PDGFRA: variants seen among roughly 807,000 people sequenced by gnomAD.
The protein encoded by PDGFRA is platelet derived growth factor receptor alpha.
PDGFRA carries 25 observed loss-of-function variants against 121.5 expected under a neutral mutation model. That is an observed-to-expected ratio of 0.21 (90% CI 0.15 to 0.29). The LOEUF is 0.29. Ranked by LOEUF, PDGFRA falls within the 10% of genes least tolerant of loss-of-function variation. The probability of loss-of-function intolerance (pLI) is 1.00; values close to 1 mark genes in which losing one functional copy is unlikely to be tolerated. For missense variants in PDGFRA, 1,008 were observed against 1,345.1 expected, an observed-to-expected ratio of 0.75 and a Z score of 3.92; for synonymous variants, 463 against 494.8, an observed-to-expected ratio of 0.94 and a Z score of 0.85.
At chr4:54,238,185 C>G (rs536682310) in intron 1 of PDGFRA, among the ~76,000 whole-genome samples, 1 of 152,288 alleles carries the variant, frequency 6.6e-6, no homozygotes, top group South Asian at 2.1e-4. Flanking sequence ...TTCTCTTCCT[C>G]TCCCATTTTC....
intron 12 of PDGFRA, among the ~76,000 whole-genome samples, chr4:54,276,513 T>C (rs1723735827): frequency 6.6e-6 from 1 of 152,186 alleles, no homozygotes; most frequent in Admixed American, 6.5e-5. Flanking sequence ...TATCTAAGCT[T>C]TCTTTATTTT....
chr4:54,271,525 C>G (rs548542704), intron 8 of PDGFRA, among the ~76,000 whole-genome samples: 47 of 152,236 alleles, frequency 3.1e-4, no homozygotes, highest in African/African-American at 1.1e-3. Flanking sequence ...GCCAAATAAC[C>G]AAGGGACTTT....
rs536922002 is a variant in PDGFRA, at chr4:54,259,849, C to T, written c.49+1032C>T. Among the ~76,000 whole-genome samples the T allele has an allele frequency of 2.6e-5, 4 of 152,284 alleles. No individual in the cohort carries two copies. In the East Asian group the frequency reaches 5.8e-4, roughly 22 times the overall value. On this transcript the variant is annotated intron_variant, in intron 2 of 22. Coordinates refer to ENST00000257290, the MANE Select transcript of PDGFRA (RefSeq NM_006206.6). The stretch of plus-strand genomic sequence containing the variant: ...AGGTTCCAAGGGAGATTACAAATCA[C>T]TAATTAATAATTAAGTCATAATATC...
chr4:54,260,519 C>T (rs1722639695), intron 2 of PDGFRA, among the ~76,000 whole-genome samples: 2 of 151,370 alleles, frequency 1.3e-5, no homozygotes, highest in Admixed American at 1.3e-4. Flanking sequence ...CCCACCTCAG[C>T]CTCCAGAGTA....
intron 15 of PDGFRA, chr4:54,278,950 G>A (rs1247767366): frequency 2.3e-6 from 1 of 437,014 alleles, no homozygotes; most frequent in Non-Finnish European, 4.7e-6. Context: ...AAATCTACAA[G>A]TGGCTATAAA....
chr4:54,271,974 T>TC (rs1560477153), intron 8 of PDGFRA, among the ~76,000 whole-genome samples: 6 of 5,034 alleles, frequency 1.2e-3, no homozygotes, highest in Non-Finnish European at 1.5e-3. Flanking sequence ...CCCTCCCCCC[T>TC]CCCCTCCCCC....
intron 1 of PDGFRA, among the ~76,000 whole-genome samples, chr4:54,254,747 A>C (rs1722262546): frequency 6.6e-6 from 1 of 152,172 alleles, no homozygotes; most frequent in African/African-American, 2.4e-5. Flanking sequence ...TAATTGTGGT[A>C]AATCAGGCTG....
At chr4:54,241,318 A>G (rs1721282384) in intron 1 of PDGFRA, among the ~76,000 whole-genome samples, 1 of 152,120 alleles carries the variant, frequency 6.6e-6, no homozygotes, top group African/African-American at 2.4e-5. Context: ...GGAATGTTAT[A>G]AAGAAATTTT....
Position 54,261,390 on chromosome 4 carries a change from G to A in PDGFRA, c.345G>A (p.Arg115=), listed in dbSNP as rs778510648. 3.7e-6 allele frequency: 6 copies of A among 1,613,868 alleles called. No homozygotes were observed. The highest frequency in any genetic ancestry group is 2.7e-5 in the African/African-American group (2 of 74,898). ...CAGAAGAGAATGAGCTTGAAGGCAG[G>A]CACATTTACATCTATGTGCCAGGTG... The part of the protein sequence containing the change: ...TQTEENELEG[R]HIYIYVPDPD... Residue 115 remains arginine, a synonymous_variant, in exon 3 of 23, where the codon AGG becomes AGA. Transcript: ENST00000257290.
intron 9 of PDGFRA, among the ~76,000 whole-genome samples, 199 bp from the exon 10 acceptor site, chr4:54,273,338 G>T (rs1723507224): frequency 6.6e-6 from 1 of 152,174 alleles, no homozygotes; most frequent in Non-Finnish European, 1.5e-5. Flanking sequence ...GCTTTCAGTT[G>T]TTCATGTGTG....
intron 16 of PDGFRA, among the ~76,000 whole-genome samples, chr4:54,283,376 G>T (rs1724167772): frequency 6.6e-6 from 1 of 152,198 alleles, no homozygotes; most frequent in Non-Finnish European, 1.5e-5. Flanking sequence ...AGCGGCCAAG[G>T]TTTATGGCTG....
intron 10 of PDGFRA, among the ~76,000 whole-genome samples, chr4:54,274,048 A>G (rs1051508676): frequency 6.6e-6 from 1 of 152,204 alleles, no homozygotes; most frequent in African/African-American, 2.4e-5. Flanking sequence ...CTAATAATAT[A>G]GCTACAGTCT....
chr4:54,233,491 A>T (rs909430344), intron 1 of PDGFRA, among the ~76,000 whole-genome samples: 1 of 152,184 alleles, frequency 6.6e-6, no homozygotes, highest in Non-Finnish European at 1.5e-5. Context: ...CCGGGGACGC[A>T]TCCCGCTTTC....
In PDGFRA at chr4:54,274,606, T is replaced by A; in HGVS notation, c.1634T>A (p.Leu545Gln). Reference sequence around the variant, plus strand: ...ATTGTGATCATCTCACTTATTGTCCTGGTTGTCATTTGGAAACAGGTAGAT... The same window carrying A: ...ATTGTGATCATCTCACTTATTGTCCAGGTTGTCATTTGGAAACAGGTAGAT... ...LVIVIISLIVLVVIWKQKPRY... is the reference protein window; with the variant it reads ...LVIVIISLIVQVVIWKQKPRY... Residue 545 changes from leucine to glutamine, a missense_variant, in exon 11 of 23, where the codon CTG becomes CAG. Physicochemically the swap from Leu to Gln is moderately radical, Grantham distance 113. This residue lies in a region of PDGFRA where 575 missense variants were observed against 701.8 expected (regional missense o/e 0.82). Transcript: ENST00000257290. The A allele has an allele frequency of 6.2e-7, 1 of 1,613,268 alleles. No homozygotes were observed. Among genetic ancestry groups the A allele is most frequent in the Non-Finnish European group, 8.5e-7 (1 of 1,179,156 alleles).
At position 54,295,591 on chromosome 4, in the gene PDGFRA, C is replaced by A; in HGVS notation, c.*319C>A. The A allele has an allele frequency of 2.3e-6, 1 of 432,264 alleles. No homozygotes were observed. The allele number at this position is 432,264 out of a possible 1,614,324, so 26.8% of individuals were successfully genotyped here. A position where few individuals can be genotyped will look rare whatever the true frequency, so the allele number is the denominator to read the frequency against. On this transcript the variant is annotated 3_prime_UTR_variant, in exon 23 of 23. Transcript: ENST00000257290. ...GACATTGGTGAGAGTCCAACAGACACAATTTATACTGCGACAGAACTTCAG... is the reference window on the plus strand; with the variant it reads ...GACATTGGTGAGAGTCCAACAGACAAAATTTATACTGCGACAGAACTTCAG...
At position 54,263,658 on chromosome 4, in the gene PDGFRA, A is replaced by G; in HGVS notation, c.368-9A>G. The G allele has an allele frequency of 6.2e-7, 1 of 1,613,266 alleles. No individual in the cohort carries two copies. Among genetic ancestry groups the G allele is most frequent in the Non-Finnish European group, 8.5e-7 (1 of 1,179,242 alleles). On this transcript the variant is annotated splice_polypyrimidine_tract_variant and intron_variant, in intron 3 of 22. Transcript: ENST00000257290. ...TCTAATAGAGTCTTCATTCTTTTTT[A>G]AACCACAGACCCAGATGTAGCCTTT...
chr4:54,293,547 C>A (rs186938101), intron 22 of PDGFRA, among the ~76,000 whole-genome samples: 1 of 151,040 alleles, frequency 6.6e-6, no homozygotes, highest in Non-Finnish European at 1.5e-5. Context: ...TCTCATACCT[C>A]CGCCTCCTGA....
rs748088868 is a variant in PDGFRA at position 54,274,987 on chromosome 4, G to A, written c.1786+14G>A. ...GACTAGTGCTTGGTAAGTTCCATGG[G>A]GTAACCTCCCAAGACTCCCTTTTCC... On this transcript the variant is annotated intron_variant, in intron 12 of 22. Transcript: ENST00000257290. 1 of 1,613,718 alleles carries A rather than the reference G, an allele frequency of 6.2e-7. No individual in the cohort carries two copies. Among genetic ancestry groups the A allele is most frequent in the African/African-American group, 1.3e-5 (1 of 74,890 alleles).
In PDGFRA at chr4:54,296,408, C is replaced by T. The variant is rs560280718; in HGVS notation, c.*1136C>T. ...TCTTCATGCCTGATGAAAGCTTTGG[C>T]GACCCCAATATATGTATTTTTTGAA... is the stretch of plus-strand genomic sequence containing the variant. On this transcript the variant is annotated 3_prime_UTR_variant, in exon 23 of 23. Coordinates refer to ENST00000257290, the MANE Select transcript of PDGFRA (RefSeq NM_006206.6). 52 of 207,280 alleles carry T rather than the reference C, an allele frequency of 2.5e-4. No individual in the cohort carries two copies. The highest frequency in any genetic ancestry group is 1.4e-3 in the South Asian group (7 of 5,036). The allele number at this position is 207,280 out of a possible 1,614,324, so 12.8% of individuals were successfully genotyped here.
Sources: gnomAD v4.1 joint callset for allele counts (sites outside exome capture counted in the v4.1 genomes callset) on GRCh38, gnomAD v4.1.1 for gene constraint, gnomAD v4.1.1 regional missense constraint, MANE v1.5 for transcripts, NCBI Gene and HGNC (gene_info 2026-07-23, HGNC 2026-07-21) for gene names.